MPV17: variants seen among roughly 807,000 people sequenced by gnomAD.
The protein encoded by MPV17 is MPV17, mitochondrial inner membrane protein.
A neutral mutation model predicts 28.6 loss-of-function variants in MPV17; 31 were observed. The observed-to-expected ratio is 1.08, with a 90% CI of 0.81 to 1.46. MPV17 has a LOEUF of 1.46. MPV17 is among the 40% of genes most tolerant of loss of function. The pLI is 0.00. For synonymous variants in MPV17, 87 were observed against 85.3 expected (o/e 1.02, Z -0.11); for missense variants, 198 against 216.2 (o/e 0.92, Z 0.53).
chr2:27,311,363 T>A lies in MPV17; in HGVS notation c.461+536A>T, dbSNP rs115846972. The A allele has an allele frequency of 1.5e-3, 838 of 552,522 alleles. 8 individuals are homozygous for A. Among genetic ancestry groups the A allele is most frequent in the African/African-American group, 0.015 (779 of 53,028 alleles). 34.2% of individuals were successfully genotyped at this position (552,522 alleles called of 1,614,324 possible). A position where few individuals can be genotyped will look rare whatever the true frequency, so the allele number is the denominator to read the frequency against. On this transcript the variant is annotated intron_variant, in intron 7 of 7. Coordinates refer to ENST00000380044, the MANE Select transcript of MPV17 (RefSeq NM_002437.5). ...GGTGTGAGCCACCGTGCCCAGCCAG[T>A]CTGTATTCGTTTTAGCTATGCTACT...
Position 27,310,006 on chromosome 2 carries a change from A to C in MPV17, c.462-25T>G, listed in dbSNP as rs753906400. On this transcript the variant is annotated intron_variant, in intron 7 of 7. Transcript: ENST00000380044. ...CCTAAGGAACAGGAATAACACAATG[A>C]AGAGGAGGAAGGCTAAGCAGTGAGC... The C allele has an allele frequency of 4.4e-6, 7 of 1,585,794 alleles. No individual in the cohort carries two copies. The South Asian group carries it at 7.8e-5, about 18-fold the overall frequency.
Position 27,312,716 on chromosome 2 carries a change from G to C in MPV17, c.243C>G (p.Thr81=), listed in dbSNP as rs2148215866. Residue 81 remains threonine (T), a synonymous_variant, in exon 4 of 8, where the codon ACC becomes ACG. Coordinates refer to ENST00000380044, the MANE Select transcript of MPV17 (RefSeq NM_002437.5). ...ACATCTTCTTCAGTGCATCCACTTT[G>C]GTGGTGCCAGGGATGAACCGATCCA... The part of the protein sequence containing the change: ...KVLDRFIPGT[T]KVDALKKMLL... 1 of 1,614,202 alleles carries C rather than the reference G, an allele frequency of 6.2e-7. No individual in the cohort carries two copies. The highest frequency in any genetic ancestry group is 8.5e-7 in the Non-Finnish European group (1 of 1,180,044).
chr2:27,311,663 G>A (rs1256502460), intron 7 of MPV17: 5 of 1,550,792 alleles, frequency 3.2e-6, no homozygotes, highest in Non-Finnish European at 4.4e-6. Flanking sequence ...AAGGGTGGTA[G>A]AAGCAGGATC....
chr2:27,309,550 G>C lies in MPV17; in HGVS notation c.*362C>G. 1 of 493,946 alleles carries C rather than the reference G, an allele frequency of 2.0e-6. No individual in the cohort carries two copies. 30.6% of individuals were successfully genotyped at this position (493,946 alleles called of 1,614,324 possible). A position where few individuals can be genotyped will look rare whatever the true frequency, so the allele number is the denominator to read the frequency against. On this transcript the variant is annotated 3_prime_UTR_variant, in exon 8 of 8. Coordinates refer to ENST00000380044, the MANE Select transcript of MPV17 (RefSeq NM_002437.5). ...AGGCACCATATAAAGGGTTCCGGGA[G>C]TCTCTAAAGAGCTGGAGCTACAAGA...
chr2:27,311,987 C>G (rs370670760), intron 6 of MPV17, 36 bp from the exon 7 acceptor site: 2 of 1,608,910 alleles, frequency 1.2e-6, no homozygotes, highest in Non-Finnish European at 1.7e-6. Flanking sequence ...ATGGCTGCCC[C>G]ACCACCTGAC....
intron 2 of MPV17, among the ~76,000 whole-genome samples, chr2:27,316,399 G>T (rs1228036931): frequency 6.6e-6 from 1 of 152,192 alleles, no homozygotes; most frequent in Non-Finnish European, 1.5e-5. Flanking sequence ...GGCAGCAGTA[G>T]GGGTGAGTAG....
intron 7 of MPV17, chr2:27,311,445 C>A: frequency 1.3e-6 from 1 of 782,646 alleles, no homozygotes; most frequent in Non-Finnish European, 2.0e-6. Flanking sequence ...CCTGTTCCCA[C>A]GATCCTTCAC....
chr2:27,316,111 CCT>C (rs757751984), intron 2 of MPV17: 1 of 1,551,030 alleles, frequency 6.4e-7, no homozygotes, highest in Non-Finnish European at 8.7e-7. Flanking sequence ...TAATGCACTT[CCT>C]CTCTGTCTTT....
intron 5 of MPV17, 24 bp from the exon 6 acceptor site, chr2:27,312,270 A>G (rs750374833): frequency 6.2e-7 from 1 of 1,613,816 alleles, no homozygotes; most frequent in Admixed American, 1.7e-5. Context: ...GAAGGAACAA[A>G]TTAACACTTG....
intron 2 of MPV17, among the ~76,000 whole-genome samples, chr2:27,318,500 G>C (rs2148221579): frequency 6.6e-6 from 1 of 152,170 alleles, no homozygotes; most frequent in Admixed American, 6.5e-5. Context: ...TGGGATTACA[G>C]GCATGCGCCA....
rs538698009 is a variant in MPV17 at position 27,317,180 on chromosome 2, C to A, written c.71-4071G>T. The A allele has an allele frequency of 9.2e-5, 143 of 1,550,244 alleles. 1 individual carries two copies. In the African/African-American group the frequency reaches 1.6e-3, roughly 17 times the overall value. On this transcript the variant is annotated intron_variant, in intron 2 of 7. Transcript: ENST00000380044. The surrounding 1 kb of genome is among the most constrained non-coding windows in gnomAD (Gnocchi z 4.0). ...GTCCTTCAGTCCAGGAGGCCTGGGTCGGCAGGTATAGCTACTGGCATGGGG... is the reference window on the plus strand; with the variant it reads ...GTCCTTCAGTCCAGGAGGCCTGGGTAGGCAGGTATAGCTACTGGCATGGGG...
At chr2:27,321,995 A>G (rs2148225042) in intron 2 of MPV17, 1 of 194,876 alleles carries the variant, frequency 5.1e-6, no homozygotes, top group South Asian at 8.8e-5. Flanking sequence ...ATGTTTCACA[A>G]TAAAAAATAC....
Position 27,317,214 on chromosome 2 carries a change from G to A in MPV17, c.71-4105C>T. On this transcript the variant is annotated intron_variant, in intron 2 of 7. Coordinates refer to ENST00000380044, the MANE Select transcript of MPV17 (RefSeq NM_002437.5). This position sits in a 1 kb window ranked among gnomAD's most constrained non-coding sequence, Gnocchi z 4.0. The stretch of plus-strand genomic sequence containing the variant: ...TAGCTACTGGCATGGGGCCAGCAGT[G>A]CTGCCTTCCTCCCCAGAAGTCTGCA... 6.5e-7 allele frequency: 1 copy of A among 1,548,748 alleles called. No individual in the cohort carries two copies. Among genetic ancestry groups the A allele is most frequent in the South Asian group, 1.2e-5 (1 of 83,844 alleles).
intron 5 of MPV17, 44 bp from the exon 6 acceptor site, chr2:27,312,290 G>C: frequency 6.2e-7 from 1 of 1,603,230 alleles, no homozygotes. Flanking sequence ...GCGCCTCCAA[G>C]CAGCTCCCAC....
intron 2 of MPV17, among the ~76,000 whole-genome samples, chr2:27,320,987 C>G (rs1041155822): frequency 2.6e-5 from 4 of 152,184 alleles, no homozygotes; most frequent in African/African-American, 9.7e-5. Flanking sequence ...TCAGCATAGC[C>G]TCAGGAAGAC....
chr2:27,319,840 T>C (rs530557757), intron 2 of MPV17, among the ~76,000 whole-genome samples: 35 of 149,890 alleles, frequency 2.3e-4, no homozygotes, highest in African/African-American at 7.4e-4. Flanking sequence ...GCATGATAAT[T>C]GCTTGAACCC....
chr2:27,319,697 G>A (rs530334248), intron 2 of MPV17, among the ~76,000 whole-genome samples: 2 of 151,452 alleles, frequency 1.3e-5, no homozygotes, highest in East Asian at 4.0e-4. Flanking sequence ...GGCTGAGGTG[G>A]GCGGATCACT....
At chr2:27,310,435 A>C (rs908279533) in intron 7 of MPV17, among the ~76,000 whole-genome samples, 2 of 152,172 alleles carry the variant, frequency 1.3e-5, no homozygotes, top group Non-Finnish European at 2.9e-5. Flanking sequence ...GCTTGCACTA[A>C]AGGACAACTG....
intron 7 of MPV17, chr2:27,311,037 CCAG>C (rs2148213601): frequency 7.1e-6 from 1 of 141,520 alleles, no homozygotes; most frequent in South Asian, 2.3e-4. Context: ...GCCACTGTGT[CCAG>C]CCTTTTTTTT....
Sources: allele counts gnomAD v4.1 joint callset (sites outside exome capture counted in the v4.1 genomes callset), GRCh38; gene constraint gnomAD v4.1.1; non-coding constraint Gnocchi (gnomAD v3.1); transcripts MANE v1.5; gene names NCBI Gene and HGNC (gene_info 2026-07-23, HGNC 2026-07-21).